CLVS1: variants seen among roughly 807,000 people sequenced by gnomAD.
CLVS1 encodes clavesin-1.
In CLVS1, 10 loss-of-function variants were observed where a neutral mutation model predicts 33.1. That is an observed-to-expected ratio of 0.30 (90% CI 0.19 to 0.51). The LOEUF is 0.51. CLVS1 is among the 20% of genes least tolerant of loss of function. CLVS1 has a pLI of 0.97. For missense variants in CLVS1, 343 were observed against 433.4 expected (o/e 0.79, Z 1.85); for synonymous variants, 163 against 166.1 (o/e 0.98, Z 0.14).
At chr8:61,231,155 G>A (rs1371768945) in intron 2 of CLVS1, among the ~76,000 whole-genome samples, 2 of 152,122 alleles carry the variant, frequency 1.3e-5, no homozygotes, top group African/African-American at 2.4e-5. Flanking sequence ...CCTAAAAGCT[G>A]TTTGAATCCA....
intron 2 of CLVS1, among the ~76,000 whole-genome samples, chr8:61,230,584 C>A (rs956031763): frequency 1.3e-5 from 2 of 152,138 alleles, no homozygotes; most frequent in African/African-American, 2.4e-5. Context: ...ATGTGTAAGG[C>A]AAATATTGCT....
At chr8:61,150,313 C>CAG (rs1250940018) in intron 2 of CLVS1, among the ~76,000 whole-genome samples, 3 of 152,180 alleles carry the variant, frequency 2.0e-5, no homozygotes, top group Non-Finnish European at 4.4e-5. Context: ...GAAAGCTACA[C>CAG]AGAGAGCCAG....
At chr8:60,976,027 T>A in the CLVS1 span, among the ~76,000 whole-genome samples, 235 of 152,358 alleles carry the variant, frequency 1.5e-3, 2 homozygotes, top group Non-Finnish European at 3.1e-4. Context: ...TTCCTTAATT[T>A]TGAAAACTCG....
At position 61,062,561 on chromosome 8, in the gene CLVS1, A is replaced by C. The variant is rs574666571; in HGVS notation, c.-243+5331A>C. ...CAATAAGCCTTTCTTACCTGTTTTC[A>C]TTGAGGGCTTGCTTTTGTTTTATTT... On this transcript the variant is annotated intron_variant, in intron 1 of 2. Transcript: ENST00000522621. 8.8e-4 allele frequency among the ~76,000 whole-genome samples: 134 copies of C among 152,282 alleles called. 3 individuals are homozygous for C. In the South Asian group the frequency reaches 0.026, roughly 30 times the overall value.
chr8:61,194,289 T>C (rs1236486366), intron 2 of CLVS1, among the ~76,000 whole-genome samples: 1 of 152,020 alleles, frequency 6.6e-6, no homozygotes, highest in African/African-American at 2.4e-5. Context: ...AAAAACCATT[T>C]ATATGCTGTT....
intron 2 of CLVS1, among the ~76,000 whole-genome samples, chr8:61,160,155 C>T (rs1000739510): frequency 6.6e-6 from 1 of 151,986 alleles, no homozygotes; most frequent in Non-Finnish European, 1.5e-5. Flanking sequence ...ATGGAAGAGC[C>T]CTGTTTGTAC....
the CLVS1 span, among the ~76,000 whole-genome samples, chr8:60,995,648 C>T: frequency 6.6e-6 from 1 of 152,304 alleles, no homozygotes; most frequent in East Asian, 1.9e-4. Flanking sequence ...TTGACCCAGC[C>T]ATCCCATTAC....
At chr8:61,357,907 G>T (rs971649217) in intron 2 of CLVS1, among the ~76,000 whole-genome samples, 2 of 152,084 alleles carry the variant, frequency 1.3e-5, no homozygotes. Context: ...TCTGCTGTCT[G>T]ACCGGGATTG....
intron 2 of CLVS1, among the ~76,000 whole-genome samples, chr8:61,155,347 G>C (rs1489650891): frequency 1.3e-5 from 2 of 152,180 alleles, no homozygotes; most frequent in Non-Finnish European, 2.9e-5. Context: ...CGGCTTGCCT[G>C]CATTGCCTTC....
chr8:61,249,567 T>A (rs993632749), intron 2 of CLVS1, among the ~76,000 whole-genome samples: 2 of 152,162 alleles, frequency 1.3e-5, no homozygotes, highest in Non-Finnish European at 2.9e-5. Flanking sequence ...TTTCTCCACA[T>A]CCTCTCCAGC....
the CLVS1 span, among the ~76,000 whole-genome samples, chr8:61,013,934 A>G: frequency 6.6e-6 from 1 of 151,864 alleles, no homozygotes; most frequent in African/African-American, 2.4e-5. Context: ...ATTGTAGCAG[A>G]CAGGCCTCGG....
chr8:61,453,319 T>C (rs1039797747), intron 3 of CLVS1, among the ~76,000 whole-genome samples: 1 of 152,160 alleles, frequency 6.6e-6, no homozygotes, highest in Non-Finnish European at 1.5e-5. Flanking sequence ...GTAGATCTAA[T>C]TAGCACCGAG....
intron 2 of CLVS1, among the ~76,000 whole-genome samples, chr8:61,306,169 T>C (rs902068468): frequency 6.6e-6 from 1 of 152,230 alleles, no homozygotes; most frequent in African/African-American, 2.4e-5. Flanking sequence ...TGTATAAGCA[T>C]TCTTTTCTTT....
chr8:61,164,525 T>G (rs1345204289), intron 2 of CLVS1, among the ~76,000 whole-genome samples: 1 of 152,048 alleles, frequency 6.6e-6, no homozygotes, highest in East Asian at 1.9e-4. Flanking sequence ...CCCCCACATA[T>G]CCCCATGTGT....
At chr8:61,203,315 G>A (rs1452738326) in intron 2 of CLVS1, 3 of 688,444 alleles carry the variant, frequency 4.4e-6, no homozygotes, top group Non-Finnish European at 8.0e-6. Flanking sequence ...TTATAATGCA[G>A]AGTGAGAACT....
rs1317288253 is a variant in CLVS1 at position 61,500,211 on chromosome 8, A to AGAC, written c.*670_*672dup. 2 of 152,478 alleles carry AGAC rather than the reference A, an allele frequency of 1.3e-5. No individual in the cohort carries two copies. Among genetic ancestry groups the AGAC allele is most frequent in the African/African-American group, 4.8e-5 (2 of 41,448 alleles). The allele number at this position is 152,478 out of a possible 1,614,324, so 9.4% of individuals were successfully genotyped here. On this transcript the variant is annotated 3_prime_UTR_variant, in exon 6 of 6. Coordinates refer to ENST00000325897, the MANE Select transcript of CLVS1 (RefSeq NM_173519.3). ...ACTGTCATGAGCTGACGTTAAAGGAAGACACATGGACGTGAAATACGATTA... is the reference window on the plus strand; with the variant it reads ...ACTGTCATGAGCTGACGTTAAAGGAAGACGACACATGGACGTGAAATACGATTA...
chr8:61,190,324 A>G (rs1429060050), intron 2 of CLVS1, among the ~76,000 whole-genome samples: 4 of 152,204 alleles, frequency 2.6e-5, no homozygotes, highest in African/African-American at 9.7e-5. Context: ...TTTGAAACCA[A>G]TGAGAACAAA....
At chr8:60,965,463 G>A in the CLVS1 span, 2 of 152,406 alleles carry the variant, frequency 1.3e-5, no homozygotes, top group African/African-American at 2.4e-5. Context: ...TGATCTTCAA[G>A]CTCACACATG....
At chr8:61,142,644 A>C (rs559280551) in intron 2 of CLVS1, among the ~76,000 whole-genome samples, 1 of 152,316 alleles carries the variant, frequency 6.6e-6, no homozygotes, top group East Asian at 1.9e-4. Context: ...TCTGCCTCTT[A>C]CATTGAGTCC....
Sources: gnomAD v4.1 joint callset for allele counts (sites outside exome capture counted in the v4.1 genomes callset) on GRCh38, gnomAD v4.1.1 for gene constraint, MANE v1.5 for transcripts, NCBI Gene and HGNC (gene_info 2026-07-23, HGNC 2026-07-21) for gene names.